Variants in ZNF385D observed in about 807,000 individuals in gnomAD.
ZNF385D encodes the protein zinc finger protein 659.
Under a neutral mutation model 35.8 loss-of-function variants are expected in ZNF385D, and 15 were observed. The ratio of observed to expected loss-of-function variants is 0.42; its 90% CI spans 0.28 to 0.64. The LOEUF (loss-of-function observed/expected upper bound fraction) is 0.64. ZNF385D is among the 30% of genes least tolerant of loss of function. ZNF385D has a pLI of 0.23. For synonymous variants in ZNF385D, 212 were observed against 186.8 expected (o/e 1.13, Z -1.10); for missense variants, 474 against 494.6 (o/e 0.96, Z 0.39).
intron 2 of ZNF385D, among the ~76,000 whole-genome samples, chr3:22,271,946 C>T (rs1482769370): frequency 6.6e-6 from 1 of 151,992 alleles, no homozygotes; most frequent in Non-Finnish European, 1.5e-5. Context: ...TTGATCTCCT[C>T]CCATGCTAAT....
chr3:21,804,942 T>G (rs1387322253), intron 3 of ZNF385D, among the ~76,000 whole-genome samples: 1 of 152,218 alleles, frequency 6.6e-6, no homozygotes, highest in African/African-American at 2.4e-5. Context: ...TTCTTATGAC[T>G]AGAAAAGCAT....
chr3:21,643,750 G>A (rs1219175282), intron 2 of ZNF385D, among the ~76,000 whole-genome samples: 2 of 152,078 alleles, frequency 1.3e-5, no homozygotes, highest in Admixed American at 6.6e-5. Context: ...TGAAAGTGAG[G>A]TGATCCGCCG....
intron 3 of ZNF385D, among the ~76,000 whole-genome samples, chr3:21,783,476 A>C (rs2071570762): frequency 6.6e-6 from 1 of 152,106 alleles, no homozygotes; most frequent in Admixed American, 6.6e-5. Flanking sequence ...ATTTGATATA[A>C]TATTTTTGGA....
At chr3:22,026,069 A>C (rs999800764) in intron 3 of ZNF385D, among the ~76,000 whole-genome samples, 1 of 152,188 alleles carries the variant, frequency 6.6e-6, no homozygotes, top group Non-Finnish European at 1.5e-5. Flanking sequence ...GCATTGTCTA[A>C]TTAATCATAG....
intron 4 of ZNF385D, among the ~76,000 whole-genome samples, chr3:21,459,892 A>G (rs17008857): frequency 0.018 from 2,638 of 149,876 alleles, 80 homozygotes; most frequent in African/African-American, 0.06. Context: ...CTACTCTCCA[A>G]GTCTGGGAAT....
At position 22,183,559 on chromosome 3, in the gene ZNF385D, T is replaced by C. The variant is rs148217878; in HGVS notation, c.107-14524A>G. ...TTTTAGTAGAGACGGTGTTTCACCA[T>C]ATTGGCCAGGCTAGTCTCAAACTCC... On this transcript the variant is annotated intron_variant, in intron 2 of 5. Coordinates refer to the ZNF385D transcript ENST00000494108. Among the ~76,000 whole-genome samples the C allele has an allele frequency of 4.9e-3, 752 of 152,284 alleles. 4 individuals carry two copies. The highest frequency in any genetic ancestry group is 0.017 in the African/African-American group (717 of 41,554).
intron 1 of ZNF385D, among the ~76,000 whole-genome samples, chr3:21,679,331 T>C (rs2066826864): frequency 6.6e-6 from 1 of 152,098 alleles, no homozygotes; most frequent in Non-Finnish European, 1.5e-5. Context: ...ATTAAATTTT[T>C]ATTTTATTAG....
At chr3:22,077,723 T>A (rs1700536653) in intron 3 of ZNF385D, among the ~76,000 whole-genome samples, 1 of 152,012 alleles carries the variant, frequency 6.6e-6, no homozygotes, top group Non-Finnish European at 1.5e-5. Flanking sequence ...AGAGTGCAGT[T>A]GTAGCTGCCT....
chr3:21,722,845 C>T (rs2068599293), intron 1 of ZNF385D, among the ~76,000 whole-genome samples: 1 of 152,174 alleles, frequency 6.6e-6, no homozygotes, highest in African/African-American at 2.4e-5. Flanking sequence ...TGGTTTCATC[C>T]ACCGGATTTT....
chr3:21,736,759 T>G (rs867964444), intron 1 of ZNF385D, among the ~76,000 whole-genome samples: 2 of 152,226 alleles, frequency 1.3e-5, no homozygotes, highest in African/African-American at 4.8e-5. Flanking sequence ...AGCTGTTTCA[T>G]GCTGTTCTAT....
At chr3:22,129,720 G>A (rs1333767241) in intron 3 of ZNF385D, among the ~76,000 whole-genome samples, 1 of 146,118 alleles carries the variant, frequency 6.8e-6, no homozygotes, top group South Asian at 2.2e-4. Context: ...GTTTTTTCAG[G>A]GTAACAGGCT....
At chr3:21,758,651 T>C (rs770083140) in intron 3 of ZNF385D, among the ~76,000 whole-genome samples, 1 of 152,136 alleles carries the variant, frequency 6.6e-6, no homozygotes, top group Non-Finnish European at 1.5e-5. Context: ...ACATTTGCCC[T>C]GATTAATTGA....
chr3:22,093,882 C>G (rs759155255), intron 3 of ZNF385D, among the ~76,000 whole-genome samples: 4 of 152,016 alleles, frequency 2.6e-5, no homozygotes, highest in Non-Finnish European at 4.4e-5. Flanking sequence ...GTTAAGCTCG[C>G]TAACACTTTA....
chr3:22,136,868 A>G (rs1403255112), intron 3 of ZNF385D, among the ~76,000 whole-genome samples: 2 of 152,200 alleles, frequency 1.3e-5, no homozygotes, highest in Non-Finnish European at 2.9e-5. Flanking sequence ...CAACTATGTG[A>G]CATTACGGAA....
intron 3 of ZNF385D, among the ~76,000 whole-genome samples, chr3:21,524,650 G>C (rs997118387): frequency 6.6e-6 from 1 of 152,076 alleles, no homozygotes; most frequent in African/African-American, 2.4e-5. Flanking sequence ...CCTATCACTA[G>C]AACAGCAAGA....
intron 3 of ZNF385D, among the ~76,000 whole-genome samples, chr3:21,791,606 T>G (rs2071928717): frequency 6.6e-6 from 1 of 152,190 alleles, no homozygotes; most frequent in Non-Finnish European, 1.5e-5. Context: ...TTACAAAACA[T>G]TAGCAGCTCT....
intron 2 of ZNF385D, among the ~76,000 whole-genome samples, chr3:22,276,792 G>A (rs1156868194): frequency 6.6e-6 from 1 of 152,118 alleles, no homozygotes; most frequent in Non-Finnish European, 1.5e-5. Flanking sequence ...CAATGTATCA[G>A]TGTGAGGATG....
rs769649843 is a variant in ZNF385D at position 21,974,820 on chromosome 3, CACA to C, written c.325+193994_325+193996del. 2.6e-5 allele frequency among the ~76,000 whole-genome samples: 4 copies of C among 152,232 alleles called. 1 individual carries two copies. The South Asian group carries it at 8.3e-4, about 32-fold the overall frequency. ...TGGCAAACAAGGATATAAAAGTGTG[CACA>C]ACATCACTGATCATCAGAGAAATGC... On this transcript the variant is annotated intron_variant, in intron 3 of 5. Coordinates refer to the ZNF385D transcript ENST00000494108.
intron 3 of ZNF385D, among the ~76,000 whole-genome samples, chr3:22,115,195 C>A (rs1163171703): frequency 2.0e-5 from 3 of 152,160 alleles, no homozygotes; most frequent in East Asian, 3.9e-4. Context: ...TTGGTAGAAA[C>A]TGATCACCGA....
Sources: allele counts gnomAD v4.1 joint callset (sites outside exome capture counted in the v4.1 genomes callset), GRCh38; gene constraint gnomAD v4.1.1; transcripts MANE v1.5; gene names NCBI Gene and HGNC (gene_info 2026-07-23, HGNC 2026-07-21).